The following DGKD variants were observed in gnomAD, a reference collection of about 807,000 sequenced individuals.
DGKD encodes diacylglycerol kinase delta.
Under a neutral mutation model 154.4 loss-of-function variants are expected in DGKD, and 68 were observed. The ratio of observed to expected loss-of-function variants is 0.44; its 90% CI spans 0.36 to 0.54. DGKD has a LOEUF of 0.54. DGKD is among the 20% of genes least tolerant of loss of function. The pLI is 0.00. For synonymous variants in DGKD, 693 were observed against 638.0 expected (o/e 1.09, Z -1.30); for missense variants, 1,343 against 1,593.6 (o/e 0.84, Z 2.68).
chr2:233,452,316 G>A lies in DGKD; in HGVS notation c.2264+256G>A, dbSNP rs1179071491. On this transcript the variant is annotated intron_variant, in intron 18 of 29. Transcript: ENST00000264057. The surrounding 1 kb of genome is among the most constrained non-coding windows in gnomAD (Gnocchi z 4.0). ...CCACGGTGCTTGCTTGACGTCCCCT[G>A]AGCCTGCATGCCCTTCTGAGGCTTT... 5.9e-5 allele frequency among the ~76,000 whole-genome samples: 9 copies of A among 152,204 alleles called. No individual in the cohort carries two copies. Among genetic ancestry groups the A allele is most frequent in the African/African-American group, 1.9e-4 (8 of 41,452 alleles).
chr2:233,396,212 T>C (rs1001669824), intron 3 of DGKD, among the ~76,000 whole-genome samples: 5 of 152,200 alleles, frequency 3.3e-5, no homozygotes, highest in African/African-American at 9.6e-5. Context: ...TCTTGTGCAA[T>C]GCGGGTTTGC....
At chr2:233,432,773 G>A (rs2062573059) in intron 3 of DGKD, among the ~76,000 whole-genome samples, 1 of 152,184 alleles carries the variant, frequency 6.6e-6, no homozygotes, top group African/African-American at 2.4e-5. Context: ...TAATCATCCA[G>A]TTAAAAAATA....
chr2:233,442,066 C>A, intron 10 of DGKD, 71 bp downstream of exon 10: 1 of 1,314,328 alleles, frequency 7.6e-7, no homozygotes, highest in Non-Finnish European at 1.1e-6. Flanking sequence ...CATGCAGTCT[C>A]AGCTCCTGTT....
chr2:233,357,872 G>A (rs1210118163), intron 1 of DGKD, among the ~76,000 whole-genome samples: 4 of 152,168 alleles, frequency 2.6e-5, no homozygotes. Context: ...AGAAGATGCT[G>A]ATGCTGCTGG....
chr2:233,358,469 T>C (rs972226325), intron 1 of DGKD, among the ~76,000 whole-genome samples: 1 of 152,230 alleles, frequency 6.6e-6, no homozygotes, highest in African/African-American at 2.4e-5. Flanking sequence ...TTATGAGATA[T>C]AATTCACATG....
At chr2:233,413,951 A>G (rs2125522689) in intron 3 of DGKD, among the ~76,000 whole-genome samples, 1 of 152,364 alleles carries the variant, frequency 6.6e-6, no homozygotes. Context: ...AGGAATAAGG[A>G]AAGCCATTGT....
chr2:233,451,125 GCTCGCTGCC>G, intron 17 of DGKD, 75 bp downstream of exon 17: 1 of 1,517,208 alleles, frequency 6.6e-7, no homozygotes, highest in Non-Finnish European at 8.9e-7. Flanking sequence ...AAAGAGATGG[GCTCGCTGCC>G]CTCGGAGAGT....
At chr2:233,415,546 G>C (rs838735) in intron 3 of DGKD, among the ~76,000 whole-genome samples, 52,380 of 152,134 alleles carry the variant, frequency 0.34, 9,371 homozygotes, top group Middle Eastern at 0.44. Context: ...AGGCAAATGG[G>C]AGTAATTATC....
At position 233,354,541 on chromosome 2, in the gene DGKD, C is replaced by T. The variant is rs1260799159; in HGVS notation, c.23C>T (p.Pro8Leu). Residue 8 changes from proline to leucine, a missense_variant, in exon 1 of 30, where the codon CCT (proline) becomes CTT (leucine). Coordinates refer to ENST00000264057, the MANE Select transcript of DGKD (RefSeq NM_152879.3). This position sits in a 1 kb window ranked among gnomAD's most constrained non-coding sequence, Gnocchi z 4.8. The stretch of plus-strand genomic sequence containing the variant: ...AGCATGGCGGCGGCGGCGGGCGCCC[C>T]TCCGCCGGGTCCCCCGCAACCGCCT... MAAAAGAPPPGPPQPPPP... is the reference protein window; with the variant it reads MAAAAGALPPGPPQPPPP... The T allele has an allele frequency of 2.1e-5, 21 of 1,002,588 alleles. No individual in the cohort carries two copies. Among genetic ancestry groups the T allele is most frequent in the Middle Eastern group, 5.0e-4 (1 of 2,000 alleles). The allele number at this position is 1,002,588 out of a possible 1,614,324, so 62.1% of individuals were successfully genotyped here. A position where few individuals can be genotyped will look rare whatever the true frequency, so the allele number is the denominator to read the frequency against.
chr2:233,366,737 A>C (rs536268258), intron 1 of DGKD, among the ~76,000 whole-genome samples: 106 of 152,200 alleles, frequency 7.0e-4, no homozygotes, highest in African/African-American at 2.4e-3. Context: ...AGGATGGTTC[A>C]TCTGAGCCCG....
intron 1 of DGKD, among the ~76,000 whole-genome samples, chr2:233,370,405 G>T (rs1031922864): frequency 6.6e-6 from 1 of 151,744 alleles, no homozygotes; most frequent in African/African-American, 2.4e-5. Context: ...GTACAGAGGG[G>T]GTTTCACCAT....
intron 10 of DGKD, among the ~76,000 whole-genome samples, chr2:233,443,759 T>G (rs1457065101): frequency 1.3e-5 from 2 of 152,142 alleles, no homozygotes; most frequent in Admixed American, 6.5e-5. Context: ...CTACTCTAAT[T>G]TTTGATTTTG....
At chr2:233,447,722 A>G in intron 12 of DGKD, 1 of 1,092,952 alleles carries the variant, frequency 9.1e-7, no homozygotes, top group South Asian at 2.5e-5. Context: ...CCAGGTGGAA[A>G]CAGCCTCTGC....
chr2:233,431,195 T>G lies in DGKD; in HGVS notation c.349-3185T>G, dbSNP rs6717577. On this transcript the variant is annotated intron_variant, in intron 3 of 29. Coordinates refer to ENST00000264057, the MANE Select transcript of DGKD (RefSeq NM_152879.3). ...CTGTATGTACCAACAGTGCACAATCTGCAAAAGAAATCAAGAAAGTAATCC... is the reference window on the plus strand; with the variant it reads ...CTGTATGTACCAACAGTGCACAATCGGCAAAAGAAATCAAGAAAGTAATCC... Among the ~76,000 whole-genome samples, 1,032 of 152,254 alleles carry G rather than the reference T, an allele frequency of 6.8e-3. 16 individuals carry two copies. The highest frequency in any genetic ancestry group is 0.024 in the African/African-American group (989 of 41,546).
chr2:233,390,631 A>G, intron 3 of DGKD, 148 bp downstream of exon 3: 1 of 641,392 alleles, frequency 1.6e-6, no homozygotes, highest in Non-Finnish European at 2.7e-6. Context: ...TTAATGCTGA[A>G]AGTAATACTG....
intron 3 of DGKD, among the ~76,000 whole-genome samples, chr2:233,401,950 A>C (rs1210997839): frequency 2.1e-5 from 3 of 144,458 alleles, no homozygotes; most frequent in East Asian, 2.1e-4. Context: ...AAAAAAAAGC[A>C]AGCACTATAA....
At chr2:233,377,523 A>G (rs995455164) in intron 1 of DGKD, among the ~76,000 whole-genome samples, 6 of 152,184 alleles carry the variant, frequency 3.9e-5, no homozygotes, top group African/African-American at 1.4e-4. Flanking sequence ...ATGTACCGTA[A>G]TTTATTCGAC....
intron 3 of DGKD, among the ~76,000 whole-genome samples, chr2:233,393,303 C>T (rs55893802): frequency 0.11 from 16,210 of 148,274 alleles, 995 homozygotes; most frequent in African/African-American, 0.15. Flanking sequence ...GCTGGGATTA[C>T]AGGTGTGAGC....
In DGKD at chr2:233,438,341, C is replaced by G. The variant is rs777485542; in HGVS notation, c.1047C>G (p.Ala349=). ...LRRFKQLLNP[A]QVFDLMNGGP... is the part of the protein sequence containing the mutation. ...GATTCAAACAGCTACTAAACCCCGC[C>G]CAGGTCTTCGACCTCATGAACGGAG... The change falls in exon 9 of 30, where the codon GCC becomes GCG. Residue 349 remains alanine (A), a synonymous_variant. Transcript: ENST00000264057. This position sits in a 1 kb window ranked among gnomAD's most constrained non-coding sequence, Gnocchi z 4.1. The G allele has an allele frequency of 6.2e-6, 10 of 1,614,012 alleles. No individual in the cohort carries two copies. The Admixed American group carries it at 1.5e-4, about 24-fold the overall frequency.
Sources: gnomAD v4.1 joint callset for allele counts (sites outside exome capture counted in the v4.1 genomes callset) on GRCh38, gnomAD v4.1.1 for gene constraint, Gnocchi (gnomAD v3.1) non-coding constraint, MANE v1.5 for transcripts, NCBI Gene and HGNC (gene_info 2026-07-23, HGNC 2026-07-21) for gene names.